The following DRC11 variants were observed in gnomAD, a reference collection of about 807,000 sequenced individuals.
The protein encoded by DRC11 is IQ and AAA domain-containing protein 1.
chr2:236,411,644 C>T, the DRC11 span, among the ~76,000 whole-genome samples: 2 of 149,658 alleles, frequency 1.3e-5, no homozygotes, highest in African/African-American at 2.5e-5. Flanking sequence ...TTGGAACCAA[C>T]CCAAATGTCC....
chr2:236,369,587 C>A, the DRC11 span, among the ~76,000 whole-genome samples: 1 of 152,214 alleles, frequency 6.6e-6, no homozygotes, highest in Non-Finnish European at 1.5e-5. This position sits in a 1 kb window ranked among gnomAD's most constrained non-coding sequence, Gnocchi z 4.5. Flanking sequence ...CTTATCTAAA[C>A]CCATATTAAT....
the DRC11 span, among the ~76,000 whole-genome samples, chr2:236,483,927 G>A: frequency 6.6e-6 from 1 of 152,126 alleles, no homozygotes; most frequent in Non-Finnish European, 1.5e-5. This position sits in a 1 kb window ranked among gnomAD's most constrained non-coding sequence, Gnocchi z 4.8. Context: ...ATTAAAATAT[G>A]GCTTAAATGG....
At chr2:236,400,554 G>A in the DRC11 span, among the ~76,000 whole-genome samples, 2 of 152,182 alleles carry the variant, frequency 1.3e-5, no homozygotes, top group African/African-American at 4.8e-5. The surrounding 1 kb of genome is among the most constrained non-coding windows in gnomAD (Gnocchi z 7.9). Flanking sequence ...CCACTATCAT[G>A]GCTATTGCTA....
the DRC11 span, among the ~76,000 whole-genome samples, chr2:236,441,594 T>C: frequency 6.6e-6 from 1 of 152,174 alleles, no homozygotes; most frequent in Non-Finnish European, 1.5e-5. Context: ...GGGTTGCAAA[T>C]AGTATTATTT....
chr2:236,366,842 CTCTTTCTT>C, the DRC11 span, among the ~76,000 whole-genome samples: 1 of 144,178 alleles, frequency 6.9e-6, no homozygotes, highest in Non-Finnish European at 1.5e-5. Context: ...CTCTCTTTCT[CTCTTTCTT>C]TCGATGGAGT....
chr2:236,317,395 A>G, the DRC11 span, among the ~76,000 whole-genome samples: 3 of 152,186 alleles, frequency 2.0e-5, no homozygotes, highest in Non-Finnish European at 4.4e-5. This position sits in a 1 kb window ranked among gnomAD's most constrained non-coding sequence, Gnocchi z 5.4. Flanking sequence ...AAGTGGACGA[A>G]CTGCGACTGC....
At chr2:236,318,603 G>T in the DRC11 span, among the ~76,000 whole-genome samples, 1 of 151,674 alleles carries the variant, frequency 6.6e-6, no homozygotes, top group Non-Finnish European at 1.5e-5. This position sits in a 1 kb window ranked among gnomAD's most constrained non-coding sequence, Gnocchi z 7.0. Flanking sequence ...ACATGTGTAT[G>T]TATGTACAGC....
chr2:236,394,814 C>G, the DRC11 span, among the ~76,000 whole-genome samples: 1 of 152,024 alleles, frequency 6.6e-6, no homozygotes, highest in Non-Finnish European at 1.5e-5. The surrounding 1 kb of genome is among the most constrained non-coding windows in gnomAD (Gnocchi z 7.0). Flanking sequence ...CAGGACCCAG[C>G]AAGAGCTCTT....
chr2:236,330,082 T>C, the DRC11 span, among the ~76,000 whole-genome samples: 6 of 152,204 alleles, frequency 3.9e-5, no homozygotes, highest in African/African-American at 1.4e-4. This position sits in a 1 kb window ranked among gnomAD's most constrained non-coding sequence, Gnocchi z 5.5. Context: ...GAAAAGAATA[T>C]GATGTATCAT....
At chr2:236,497,091 G>T in the DRC11 span, 1 of 1,159,788 alleles carries the variant, frequency 8.6e-7, no homozygotes, top group Non-Finnish European at 1.2e-6. This position sits in a 1 kb window ranked among gnomAD's most constrained non-coding sequence, Gnocchi z 5.1. Context: ...AGAGTATCGT[G>T]TACAGATATC....
At chr2:236,386,448 G>A in the DRC11 span, among the ~76,000 whole-genome samples, 15 of 151,386 alleles carry the variant, frequency 9.9e-5, no homozygotes, top group Admixed American at 5.3e-4. Flanking sequence ...GTTTATTTGC[G>A]TAGAGGTGTT....
At chr2:236,463,772 T>C in the DRC11 span, among the ~76,000 whole-genome samples, 1 of 152,206 alleles carries the variant, frequency 6.6e-6, no homozygotes, top group African/African-American at 2.4e-5. This position sits in a 1 kb window ranked among gnomAD's most constrained non-coding sequence, Gnocchi z 5.0. Flanking sequence ...ACATATTGTG[T>C]CATGGTTTCT....
chr2:236,475,919 C>T, the DRC11 span, among the ~76,000 whole-genome samples: 2 of 152,026 alleles, frequency 1.3e-5, no homozygotes, highest in Non-Finnish European at 2.9e-5. The surrounding 1 kb of genome is among the most constrained non-coding windows in gnomAD (Gnocchi z 4.8). Flanking sequence ...AGTTCTGTTC[C>T]ACTGGTCTGT....
At chr2:236,325,662 G>A in the DRC11 span, among the ~76,000 whole-genome samples, 1 of 151,704 alleles carries the variant, frequency 6.6e-6, no homozygotes, top group Non-Finnish European at 1.5e-5. This position sits in a 1 kb window ranked among gnomAD's most constrained non-coding sequence, Gnocchi z 4.4. Context: ...GAGTGCAGTG[G>A]TGTGATCTCA....
At chr2:236,442,118 T>TA in the DRC11 span, among the ~76,000 whole-genome samples, 1 of 151,990 alleles carries the variant, frequency 6.6e-6, no homozygotes, top group Admixed American at 6.6e-5. Flanking sequence ...AACAAATAAT[T>TA]AAAGCTTAGA....
the DRC11 span, among the ~76,000 whole-genome samples, chr2:236,311,697 C>CGTGT: frequency 0.076 from 10,577 of 138,658 alleles, 529 homozygotes; most frequent in African/African-American, 0.15. The surrounding 1 kb of genome is among the most constrained non-coding windows in gnomAD (Gnocchi z 6.9). Flanking sequence ...GGATGGGGTG[C>CGTGT]GTGTGTGTGT....
At chr2:236,428,784 T>C in the DRC11 span, among the ~76,000 whole-genome samples, 1 of 152,134 alleles carries the variant, frequency 6.6e-6, no homozygotes, top group Non-Finnish European at 1.5e-5. Context: ...TATTACTTTC[T>C]GATTGTCTTG....
chr2:236,474,531 A>G, the DRC11 span, among the ~76,000 whole-genome samples: 1 of 152,202 alleles, frequency 6.6e-6, no homozygotes, highest in African/African-American at 2.4e-5. Context: ...ATTAAATAGA[A>G]GTTGTTGAAT....
the DRC11 span, among the ~76,000 whole-genome samples, chr2:236,346,528 G>A: frequency 1.3e-5 from 2 of 152,188 alleles, no homozygotes; most frequent in Non-Finnish European, 2.9e-5. Context: ...CAGCCTATGC[G>A]GGTTCCCTCA....
Sources: allele counts gnomAD v4.1 joint callset (sites outside exome capture counted in the v4.1 genomes callset), GRCh38; gene constraint gnomAD v4.1.1; non-coding constraint Gnocchi (gnomAD v3.1); transcripts MANE v1.5; gene names NCBI Gene and HGNC (gene_info 2026-07-23, HGNC 2026-07-21).